SUPT3H: variants seen among roughly 807,000 people sequenced by gnomAD.
The protein encoded by SUPT3H is SPT3 homolog, SAGA and STAGA complex component.
In SUPT3H, 44 loss-of-function variants were observed where a neutral mutation model predicts 44.3. That is an observed-to-expected ratio of 0.99 (90% CI 0.78 to 1.28). The LOEUF (loss-of-function observed/expected upper bound fraction) is 1.28, where lower values mean the gene tolerates loss of function less well. Among genes scored for constraint, SUPT3H ranks in the 50% most tolerant of loss-of-function variants. The pLI is 0.00. For missense variants in SUPT3H, 380 were observed against 387.1 expected (o/e 0.98, Z 0.15); for synonymous variants, 124 against 125.6 (o/e 0.99, Z 0.09).
chr6:45,307,500 G>A (rs527833535), intron 2 of SUPT3H, among the ~76,000 whole-genome samples: 2 of 152,330 alleles, frequency 1.3e-5, no homozygotes, highest in South Asian at 4.1e-4. Context: ...TGATACCCAG[G>A]CAAACAGGGT....
At chr6:44,891,986 C>G (rs916699149) in intron 10 of SUPT3H, among the ~76,000 whole-genome samples, 1 of 151,798 alleles carries the variant, frequency 6.6e-6, no homozygotes, top group African/African-American at 2.4e-5. Context: ...ATGTTCTATT[C>G]TTTTATATAT....
intron 10 of SUPT3H, among the ~76,000 whole-genome samples, chr6:44,891,454 A>C (rs945924593): frequency 2.6e-5 from 4 of 152,172 alleles, no homozygotes; most frequent in Non-Finnish European, 5.9e-5. Flanking sequence ...CATTACAATA[A>C]GTATAAACCT....
chr6:44,819,670 G>T (rs1581816909), intron 11 of SUPT3H, among the ~76,000 whole-genome samples: 1 of 151,278 alleles, frequency 6.6e-6, no homozygotes, highest in Non-Finnish European at 1.5e-5. Context: ...CATGTGCTTT[G>T]TAGTCCCAAC....
chr6:45,173,566 C>T (rs956889925), intron 2 of SUPT3H, among the ~76,000 whole-genome samples: 7 of 152,224 alleles, frequency 4.6e-5, no homozygotes, highest in African/African-American at 1.7e-4. Flanking sequence ...AACCACTTTT[C>T]ATTAAATGAT....
intron 2 of SUPT3H, among the ~76,000 whole-genome samples, chr6:45,284,610 C>T (rs1195937264): frequency 6.6e-6 from 1 of 152,058 alleles, no homozygotes; most frequent in Non-Finnish European, 1.5e-5. Context: ...TAATAGCTTA[C>T]CAACCAAAAA....
In SUPT3H at chr6:45,331,711, G is replaced by A. The variant is rs73735376; in HGVS notation, c.101+33490C>T. On this transcript the variant is annotated intron_variant, in intron 2 of 10. Transcript: ENST00000371459. ...ACACTGAAAAGAAATTGTGGAAAAA[G>A]ATCTGGCTGGTCTGTCTGACTCTCC... 7.2e-3 allele frequency among the ~76,000 whole-genome samples: 1,094 copies of A among 151,904 alleles called. 19 individuals are homozygous for A. Among genetic ancestry groups the A allele is most frequent in the African/African-American group, 0.025 (1,042 of 41,466 alleles).
At chr6:45,154,617 C>G (rs146341384) in intron 2 of SUPT3H, among the ~76,000 whole-genome samples, 17 of 152,290 alleles carry the variant, frequency 1.1e-4, no homozygotes, top group African/African-American at 4.1e-4. Context: ...TTCTCACCTT[C>G]CTGCTCCTTG....
At chr6:44,956,207 G>A (rs569611519) in intron 7 of SUPT3H, among the ~76,000 whole-genome samples, 4 of 151,314 alleles carry the variant, frequency 2.6e-5, no homozygotes, top group South Asian at 2.1e-4. Flanking sequence ...TGTCTAGGTC[G>A]GGCGCGGTGG....
At chr6:45,262,627 C>T (rs938998612) in intron 2 of SUPT3H, among the ~76,000 whole-genome samples, 4 of 152,086 alleles carry the variant, frequency 2.6e-5, no homozygotes, top group Non-Finnish European at 5.9e-5. Context: ...TCCCCTAAAG[C>T]AATTGCAACA....
intron 3 of SUPT3H, among the ~76,000 whole-genome samples, chr6:45,060,685 T>A (rs1007633962): frequency 1.3e-5 from 2 of 152,106 alleles, no homozygotes; most frequent in Non-Finnish European, 1.5e-5. Flanking sequence ...GAGAAAATTT[T>A]GCAATCTATC....
intron 1 of SUPT3H, among the ~76,000 whole-genome samples, chr6:45,370,325 T>C (rs984979195): frequency 2.0e-5 from 3 of 152,102 alleles, no homozygotes; most frequent in South Asian, 2.1e-4. Flanking sequence ...GATGACCGAA[T>C]TCTGGAGCCT....
At chr6:44,993,496 A>G (rs1780871132) in intron 6 of SUPT3H, among the ~76,000 whole-genome samples, 1 of 152,110 alleles carries the variant, frequency 6.6e-6, no homozygotes, top group East Asian at 1.9e-4. Context: ...GACAACAAAT[A>G]CACAATTCTT....
At chr6:45,258,704 T>C (rs972081641) in intron 2 of SUPT3H, among the ~76,000 whole-genome samples, 2 of 152,160 alleles carry the variant, frequency 1.3e-5, no homozygotes, top group Non-Finnish European at 2.9e-5. Flanking sequence ...AATCTGTCTA[T>C]GGAAAACTAA....
At chr6:45,262,962 CGTT>C (rs938320054) in intron 2 of SUPT3H, among the ~76,000 whole-genome samples, 2 of 151,888 alleles carry the variant, frequency 1.3e-5, no homozygotes, top group Admixed American at 6.6e-5. Flanking sequence ...CAGTCAGAAT[CGTT>C]GTTATTAAAA....
At chr6:45,376,187 T>C (rs1290384971) in intron 1 of SUPT3H, among the ~76,000 whole-genome samples, 1 of 152,108 alleles carries the variant, frequency 6.6e-6, no homozygotes, top group Non-Finnish European at 1.5e-5. Context: ...TTGCTTTAAT[T>C]TGTCAAGATG....
At chr6:44,949,245 T>A (rs1371294076) in intron 9 of SUPT3H, among the ~76,000 whole-genome samples, 1 of 147,458 alleles carries the variant, frequency 6.8e-6, no homozygotes, top group Non-Finnish European at 1.5e-5. Flanking sequence ...CGTTGTGGGG[T>A]GGGGGGAATG....
At chr6:44,934,060 T>C (rs568353416) in intron 9 of SUPT3H, among the ~76,000 whole-genome samples, 20 of 152,360 alleles carry the variant, frequency 1.3e-4, no homozygotes, top group Admixed American at 1.1e-3. Flanking sequence ...TGCATATTAC[T>C]ATAACGGGTC....
intron 10 of SUPT3H, among the ~76,000 whole-genome samples, chr6:44,903,943 C>T (rs1765542810): frequency 6.6e-6 from 1 of 152,150 alleles, no homozygotes; most frequent in African/African-American, 2.4e-5. Flanking sequence ...ATGATTATCT[C>T]AATAGATGCA....
At chr6:44,881,129 G>T (rs1778152556) in intron 10 of SUPT3H, among the ~76,000 whole-genome samples, 1 of 152,058 alleles carries the variant, frequency 6.6e-6, no homozygotes, top group Admixed American at 6.6e-5. Context: ...CATTGGTGTG[G>T]TGTATTCAGG....
Sources: allele counts gnomAD v4.1 joint callset (sites outside exome capture counted in the v4.1 genomes callset), GRCh38; gene constraint gnomAD v4.1.1; transcripts MANE v1.5; gene names NCBI Gene and HGNC (gene_info 2026-07-23, HGNC 2026-07-21).